NDUFAF7: variants seen among roughly 807,000 people sequenced by gnomAD.
NDUFAF7 encodes protein arginine methyltransferase NDUFAF7, mitochondrial.
In NDUFAF7, 48 loss-of-function variants were observed where a neutral mutation model predicts 47.2. The ratio of observed to expected loss-of-function variants is 1.02; its 90% CI spans 0.81 to 1.29. NDUFAF7 has a LOEUF of 1.29. Ranked by LOEUF, NDUFAF7 falls within the 50% of genes most tolerant of loss-of-function variation. The pLI is 0.00. For synonymous variants in NDUFAF7, 217 were observed against 190.0 expected, an observed-to-expected ratio of 1.14 and a Z score of -1.17; for missense variants, 635 against 537.6, an observed-to-expected ratio of 1.18 and a Z score of -1.79.
the NDUFAF7 span, chr2:37,268,666 C>A: frequency 4.8e-6 from 1 of 206,954 alleles, no homozygotes; most frequent in South Asian, 7.2e-5. Context: ...TTTAGTTGAG[C>A]CCTGAAGTAT....
Position 37,247,607 on chromosome 2 carries a change from T to C in NDUFAF7, c.1088T>C (p.Met363Thr), listed in dbSNP as rs758326561. Residue 363 changes from methionine (M) to threonine (T), a missense_variant, in exon 9 of 10, where the codon ATG becomes ACG. Coordinates refer to ENST00000002125, the MANE Select transcript of NDUFAF7 (RefSeq NM_144736.5). ...PIKQHTFLKN[M>T]GIDVRLKVLL... Reference sequence around the variant, plus strand: ...AAACAACACACATTTTTAAAAAATATGGGTATTGATGTCCGGCTGAAGGTA... The same window carrying C: ...AAACAACACACATTTTTAAAAAATACGGGTATTGATGTCCGGCTGAAGGTA... The C allele has an allele frequency of 3.7e-6, 6 of 1,613,858 alleles. No individual in the cohort carries two copies. The highest frequency in any genetic ancestry group is 2.2e-5 in the East Asian group (1 of 44,888).
At chr2:37,240,913 T>C (rs1666272098) in intron 4 of NDUFAF7, among the ~76,000 whole-genome samples, 1 of 152,252 alleles carries the variant, frequency 6.6e-6, no homozygotes, top group African/African-American at 2.4e-5. Context: ...ATATTATCAG[T>C]CTGGATGTGC....
At position 37,247,497 on chromosome 2, in the gene NDUFAF7, AG is replaced by A. The variant is rs1339822863; in HGVS notation, c.980del (p.Gly327GlufsTer5). On this transcript the variant is annotated frameshift_variant, in exon 9 of 10. Transcript: ENST00000002125. LOFTEE classifies it high-confidence loss of function. ...AGCTTCATGATGTCTTAATTGCCCCAGGAACAGCAGATCTAACAGCTGATGT... is the reference window on the plus strand; with the variant it reads ...AGCTTCATGATGTCTTAATTGCCCCAGAACAGCAGATCTAACAGCTGATGT... ...HKLHDVLIAPGTADLTADVDF... is the reference protein window; with the variant it reads ...HKLHDVLIAPXTADLTADVDF... 6.2e-7 allele frequency: 1 copy of A among 1,614,116 alleles called. No homozygotes were observed. The highest frequency in any genetic ancestry group is 1.1e-5 in the South Asian group (1 of 91,082).
In NDUFAF7 at chr2:37,231,714, ACTG is replaced by A; in HGVS notation, c.13_15del (p.Leu5del). ...AGCCTGCGAATTTCAGCATGAGTGT[ACTG>A]CTGAGGTCAGGTTTGGGGCCGTTGT... On this transcript the variant is annotated inframe_deletion, in exon 1 of 10. Coordinates refer to ENST00000002125, the MANE Select transcript of NDUFAF7 (RefSeq NM_144736.5). 1 of 1,614,194 alleles carries A rather than the reference ACTG, an allele frequency of 6.2e-7. No homozygotes were observed. The highest frequency in any genetic ancestry group is 8.5e-7 in the Non-Finnish European group (1 of 1,180,038).
chr2:37,261,501 C>T, the NDUFAF7 span, among the ~76,000 whole-genome samples: 2 of 151,946 alleles, frequency 1.3e-5, no homozygotes, highest in African/African-American at 4.8e-5. Context: ...AAAAAAAAGG[C>T]CGGGCGCGGT....
At chr2:37,237,551 T>C (rs1057232019) in intron 3 of NDUFAF7, among the ~76,000 whole-genome samples, 4 of 152,240 alleles carry the variant, frequency 2.6e-5, no homozygotes, top group African/African-American at 9.6e-5. Flanking sequence ...TATTTTTTCC[T>C]ATTAATCTTC....
chr2:37,239,400 T>C (rs1236539255), intron 4 of NDUFAF7, among the ~76,000 whole-genome samples: 3 of 152,212 alleles, frequency 2.0e-5, no homozygotes, highest in African/African-American at 7.2e-5. Flanking sequence ...ATTACAGGCA[T>C]GAGCCCCCGT....
chr2:37,246,298 T>A, intron 8 of NDUFAF7, 103 bp downstream of exon 8: 1 of 1,312,918 alleles, frequency 7.6e-7, no homozygotes, highest in Non-Finnish European at 1.1e-6. Flanking sequence ...TTGTATTACA[T>A]TATTTTATAG....
the NDUFAF7 span, among the ~76,000 whole-genome samples, chr2:37,265,360 A>T: frequency 6.6e-6 from 1 of 152,200 alleles, no homozygotes; most frequent in African/African-American, 2.4e-5. Flanking sequence ...TGTGATTTTT[A>T]AAAAGATTCC....
intron 7 of NDUFAF7, among the ~76,000 whole-genome samples, 164 bp from the exon 8 acceptor site, chr2:37,245,888 A>G (rs970519643): frequency 4.6e-5 from 7 of 152,218 alleles, no homozygotes; most frequent in Admixed American, 2.6e-4. Context: ...TTTGTATAAT[A>G]AAAAGGGAGT....
the NDUFAF7 span, among the ~76,000 whole-genome samples, chr2:37,266,751 G>C: frequency 1.1e-4 from 16 of 152,158 alleles, no homozygotes; most frequent in African/African-American, 3.9e-4. Context: ...GCCTCCCAAA[G>C]TGCTGGGATT....
chr2:37,267,671 C>A, the NDUFAF7 span: 1 of 651,434 alleles, frequency 1.5e-6, no homozygotes, highest in East Asian at 2.9e-5. Flanking sequence ...CTCCACACTC[C>A]TTCACTCACC....
In NDUFAF7 at chr2:37,232,322, A is replaced by C. The variant is rs747137100; in HGVS notation, c.216+56A>C. On this transcript the variant is annotated intron_variant, in intron 2 of 9. Transcript: ENST00000002125. Reference sequence around the variant, plus strand: ...CTCTCTAGCCGATTTGCGAGGTGCAAGCCAGGAGGGAGAAGCCCGAAGGTT... The same window carrying C: ...CTCTCTAGCCGATTTGCGAGGTGCACGCCAGGAGGGAGAAGCCCGAAGGTT... 1.7e-4 allele frequency: 273 copies of C among 1,605,382 alleles called. 1 individual carries two copies. The highest frequency in any genetic ancestry group is 2.2e-4 in the Non-Finnish European group (261 of 1,174,054).
At chr2:37,270,214 C>T in the NDUFAF7 span, among the ~76,000 whole-genome samples, 3 of 150,592 alleles carry the variant, frequency 2.0e-5, no homozygotes, top group Non-Finnish European at 3.0e-5. Flanking sequence ...GCAACAAGAG[C>T]GAGACTCCAT....
intron 3 of NDUFAF7, 31 bp from the exon 4 acceptor site, chr2:37,237,726 T>C (rs200385811): frequency 6.9e-6 from 10 of 1,444,094 alleles, no homozygotes; most frequent in Non-Finnish European, 9.7e-6. Flanking sequence ...TATAATACTT[T>C]AATATGTGTT....
At chr2:37,234,912 G>A (rs1452489963) in intron 2 of NDUFAF7, among the ~76,000 whole-genome samples, 1 of 152,166 alleles carries the variant, frequency 6.6e-6, no homozygotes, top group East Asian at 1.9e-4. Flanking sequence ...TGGGGCCCAT[G>A]TCACCTGTAG....
chr2:37,243,929 T>C lies in NDUFAF7; in HGVS notation c.748T>C (p.Phe250Leu). The C allele has an allele frequency of 6.2e-7, 1 of 1,614,026 alleles. No homozygotes were observed. The highest frequency in any genetic ancestry group is 1.1e-5 in the South Asian group (1 of 91,086). ...TCCACAGGTTTCTGATAAACTGAGG[T>C]TTGTTTTGGCACCTTCTGCCACCCC... is the stretch of plus-strand genomic sequence containing the variant. ...IDPQVSDKLRFVLAPSATPAE... is the reference protein window; with the variant it reads ...IDPQVSDKLRLVLAPSATPAE... The change falls in exon 7 of 10, where the codon TTT (phenylalanine) becomes CTT (leucine). Residue 250 changes from phenylalanine to leucine, a missense_variant. Transcript: ENST00000002125.
At chr2:37,236,226 C>T (rs374560031) in intron 3 of NDUFAF7, 50 bp downstream of exon 3, 38 of 1,406,448 alleles carry the variant, frequency 2.7e-5, no homozygotes, top group Non-Finnish European at 3.5e-5. Flanking sequence ...CATTTGAGAG[C>T]AGATCAAATT....
Position 37,237,735 on chromosome 2 carries a change from T to G in NDUFAF7, c.298-22T>G, listed in dbSNP as rs185566005. On this transcript the variant is annotated intron_variant, in intron 3 of 9. Transcript: ENST00000002125. ...ATACTTTATAATACTTTAATATGTG[T>G]TTTTTTTTTCCCTTTTCACAGCTAC... 4,083 of 1,349,302 alleles carry G rather than the reference T, an allele frequency of 3.0e-3. 9 individuals carry two copies. The highest frequency in any genetic ancestry group is 3.1e-3 in the Non-Finnish European group (2,922 of 955,576). The allele number at this position is 1,349,302 out of a possible 1,614,324, so 83.6% of individuals were successfully genotyped here.
Sources: allele counts gnomAD v4.1 joint callset (sites outside exome capture counted in the v4.1 genomes callset), GRCh38; gene constraint gnomAD v4.1.1; transcripts MANE v1.5; gene names NCBI Gene and HGNC (gene_info 2026-07-23, HGNC 2026-07-21).